TBXA2R: variants seen among roughly 807,000 people sequenced by gnomAD.
The protein encoded by TBXA2R is thromboxane A2 receptor, also known as prostanoid TP receptor.
A neutral mutation model predicts 15.6 loss-of-function variants in TBXA2R; 15 were observed. The ratio of observed to expected loss-of-function variants is 0.96; its 90% CI spans 0.64 to 1.48. TBXA2R has a LOEUF of 1.48. TBXA2R is among the 40% of genes most tolerant of loss of function. TBXA2R has a pLI of 0.00. For synonymous variants in TBXA2R, 280 were observed against 241.2 expected (o/e 1.16, Z -1.49); for missense variants, 506 against 491.4 (o/e 1.03, Z -0.28).
intron 1 of TBXA2R, among the ~76,000 whole-genome samples, chr19:3,605,896 G>A (rs570589687): frequency 7.0e-6 from 1 of 143,058 alleles, no homozygotes; most frequent in African/African-American, 2.7e-5. Context: ...GCAGAAACAC[G>A]ACAGACATAG....
Position 3,594,535 on chromosome 19 carries a change from C to A in TBXA2R, c.*1153G>T. The A allele has an allele frequency of 4.8e-6, 1 of 208,880 alleles. No individual in the cohort carries two copies. The allele number at this position is 208,880 out of a possible 1,614,324, so 12.9% of individuals were successfully genotyped here. A position where few individuals can be genotyped will look rare whatever the true frequency, so the allele number is the denominator to read the frequency against. On this transcript the variant is annotated 3_prime_UTR_variant, in exon 3 of 3. Transcript: ENST00000375190. ...ATTTATATCTACTTTTAATGACACACAGATTCAAAGGTGGTTTGATTGCAG... is the reference window on the plus strand; with the variant it reads ...ATTTATATCTACTTTTAATGACACAAAGATTCAAAGGTGGTTTGATTGCAG...
At chr19:3,605,153 G>A (rs373208493) in intron 1 of TBXA2R, among the ~76,000 whole-genome samples, 1 of 152,232 alleles carries the variant, frequency 6.6e-6, no homozygotes, top group South Asian at 2.1e-4. Context: ...GGCCCCCTGT[G>A]AGCCTCGCTT....
Position 3,595,445 on chromosome 19 carries a change from C to T in TBXA2R, c.*243G>A, listed in dbSNP as rs914907086. On this transcript the variant is annotated 3_prime_UTR_variant, in exon 3 of 3. Transcript: ENST00000375190. ...ATGCCCTTCCTGGGGTTGGGAGGGA[C>T]GCAGAGAAGGGGTGGGAGCTCTGGA... The T allele has an allele frequency of 1.3e-5, 18 of 1,410,784 alleles. No homozygotes were observed. The highest frequency in any genetic ancestry group is 1.4e-5 in the African/African-American group (1 of 69,288). 87.4% of individuals were successfully genotyped at this position (1,410,784 alleles called of 1,614,324 possible).
Position 3,595,439 on chromosome 19 carries a change from G to C in TBXA2R, c.*249C>G. The C allele has an allele frequency of 1.4e-6, 2 of 1,412,330 alleles. No individual in the cohort carries two copies. Among genetic ancestry groups the C allele is most frequent in the Non-Finnish European group, 1.8e-6 (2 of 1,088,230 alleles). 87.5% of individuals were successfully genotyped at this position (1,412,330 alleles called of 1,614,324 possible). A position where few individuals can be genotyped will look rare whatever the true frequency, so the allele number is the denominator to read the frequency against. ...GTCTGCATGCCCTTCCTGGGGTTGG[G>C]AGGGACGCAGAGAAGGGGTGGGAGC... On this transcript the variant is annotated 3_prime_UTR_variant, in exon 3 of 3. Transcript: ENST00000375190.
chr19:3,603,358 G>C (rs1384767930), intron 1 of TBXA2R, among the ~76,000 whole-genome samples: 1 of 152,244 alleles, frequency 6.6e-6, no homozygotes, highest in Non-Finnish European at 1.5e-5. Context: ...TGGGAGGCAG[G>C]GCTTCCAGAG....
At chr19:3,603,351 G>C (rs905686685) in intron 1 of TBXA2R, among the ~76,000 whole-genome samples, 5 of 152,252 alleles carry the variant, frequency 3.3e-5, no homozygotes, top group African/African-American at 1.2e-4. Context: ...ACCGTGGTGG[G>C]AGGCAGGGCT....
rs1314018225 is a variant in TBXA2R at position 3,600,407 on chromosome 19, C to T, written c.228G>A (p.Leu76=). 6.2e-7 allele frequency: 1 copy of T among 1,613,386 alleles called. No individual in the cohort carries two copies. The highest frequency in any genetic ancestry group is 8.5e-7 in the Non-Finnish European group (1 of 1,179,738). The change falls in exon 2 of 3, where the codon CTG becomes CTA. Residue 76 remains leucine, a synonymous_variant. Coordinates refer to ENST00000375190, the MANE Select transcript of TBXA2R (RefSeq NM_001060.6). The stretch of plus-strand genomic sequence containing the variant: ...CGATGGTACCGGTCACCAGCAGCCC[C>T]AGGAAGTCGGTGAGGACGAGGCCGC... The part of the protein sequence containing the change: ...FLCGLVLTDF[L]GLLVTGTIVV...
chr19:3,600,677 G>C lies in TBXA2R; in HGVS notation c.-43C>G. On this transcript the variant is annotated 5_prime_UTR_variant, in exon 2 of 3. It adds an upstream start codon to the 5' untranslated region. Coordinates refer to ENST00000375190, the MANE Select transcript of TBXA2R (RefSeq NM_001060.6). ...GGATCAGTCACCACCCCATCAGGCC[G>C]ATGCTGCAGACAGGGCAGGCTGGCA... 6.2e-7 allele frequency: 1 copy of C among 1,600,514 alleles called. No individual in the cohort carries two copies. The highest frequency in any genetic ancestry group is 8.5e-7 in the Non-Finnish European group (1 of 1,173,102).
intron 1 of TBXA2R, among the ~76,000 whole-genome samples, chr19:3,606,312 T>C (rs1235057995): frequency 6.6e-6 from 1 of 151,760 alleles, no homozygotes; most frequent in Non-Finnish European, 1.5e-5. Context: ...AGAATCAGCC[T>C]GGGCCGCACC....
chr19:3,599,709 C>T (rs2032679036), intron 2 of TBXA2R, 140 bp downstream of exon 2: 3 of 1,290,178 alleles, frequency 2.3e-6, no homozygotes, highest in Non-Finnish European at 3.3e-6. Context: ...TCAAGCGATC[C>T]TCCCGCCTCA....
At chr19:3,602,152 A>C (rs1408300050) in intron 1 of TBXA2R, among the ~76,000 whole-genome samples, 2 of 150,806 alleles carry the variant, frequency 1.3e-5, no homozygotes, top group Admixed American at 6.6e-5. Flanking sequence ...ACCTGGGAGG[A>C]GGAGCTTGCA....
chr19:3,596,762 T>C (rs1454428583), intron 2 of TBXA2R, among the ~76,000 whole-genome samples: 2 of 150,940 alleles, frequency 1.3e-5, no homozygotes, highest in Non-Finnish European at 3.0e-5. Context: ...TTTGTATTTT[T>C]AGTAGAGACA....
In TBXA2R at chr19:3,600,306, A is replaced by T; in HGVS notation, c.329T>A (p.Val110Asp). The stretch of plus-strand genomic sequence containing the variant: ...GGACAGGCCGAAGAAGATCATGACG[A>T]CGCCCATGAAGCGACAGAGACGGCA... Reference protein sequence around the residue: ...PGCRLCRFMGVVMIFFGLSPL... With the variant: ...PGCRLCRFMGDVMIFFGLSPL... Residue 110 changes from valine (V) to aspartate (D), a missense_variant, in exon 2 of 3, where the codon GTC (valine) becomes GAC (aspartate). By Grantham distance (152) the Val-to-Asp change is radical. Coordinates refer to ENST00000375190, the MANE Select transcript of TBXA2R (RefSeq NM_001060.6). The T allele has an allele frequency of 6.2e-7, 1 of 1,612,950 alleles. No homozygotes were observed.
At chr19:3,602,803 C>G (rs111256441) in intron 1 of TBXA2R, among the ~76,000 whole-genome samples, 1 of 151,436 alleles carries the variant, frequency 6.6e-6, no homozygotes, top group East Asian at 1.9e-4. Context: ...GAGGGAGGCC[C>G]AGGTGGGCGG....
intron 2 of TBXA2R, among the ~76,000 whole-genome samples, chr19:3,597,034 G>A (rs934624628): frequency 4.0e-5 from 6 of 150,442 alleles, no homozygotes; most frequent in South Asian, 2.1e-4. Context: ...CCGCCTCCTG[G>A]GTTCAAGCGA....
chr19:3,605,382 C>T (rs1051154875), intron 1 of TBXA2R, among the ~76,000 whole-genome samples: 2 of 152,194 alleles, frequency 1.3e-5, no homozygotes, highest in African/African-American at 4.8e-5. Context: ...AGAAACACAG[C>T]AGACACACAG....
rs35168572 is a variant in TBXA2R at position 3,600,826 on chromosome 19, G to GTT, written c.-83-111_-83-110dup. 68,715 of 384,428 alleles carry GTT rather than the reference G, an allele frequency of 0.18. 3,770 individuals carry two copies. The highest frequency in any genetic ancestry group is 0.21 in the Non-Finnish European group (44,915 of 213,916). The allele number at this position is 384,428 out of a possible 1,614,324, so 23.8% of individuals were successfully genotyped here. ...TGCCCCAGCTCAAATATCCTCTCCG[G>GTT]TTTTTTTTTTTTTTTTTTTTGAGAC... On this transcript the variant is annotated intron_variant, in intron 1 of 2. Coordinates refer to ENST00000375190, the MANE Select transcript of TBXA2R (RefSeq NM_001060.6).
At chr19:3,606,285 C>G (rs2032833969) in intron 1 of TBXA2R, among the ~76,000 whole-genome samples, 2 of 152,232 alleles carry the variant, frequency 1.3e-5, no homozygotes, top group African/African-American at 4.8e-5. Flanking sequence ...CCACAGAGAC[C>G]AGAGAGCCCC....
At chr19:3,597,613 A>G (rs2032628076) in intron 2 of TBXA2R, among the ~76,000 whole-genome samples, 1 of 151,820 alleles carries the variant, frequency 6.6e-6, no homozygotes, top group Non-Finnish European at 1.5e-5. Context: ...CCTGGGTGAC[A>G]CATCGAAACT....
Sources: allele counts gnomAD v4.1 joint callset (sites outside exome capture counted in the v4.1 genomes callset), GRCh38; gene constraint gnomAD v4.1.1; transcripts MANE v1.5; gene names NCBI Gene and HGNC (gene_info 2026-07-23, HGNC 2026-07-21).